STX6: variants seen among roughly 807,000 people sequenced by gnomAD.
STX6 encodes the protein syntaxin-6.
Under a neutral mutation model 38.0 loss-of-function variants are expected in STX6, and 23 were observed. The ratio of observed to expected loss-of-function variants is 0.60; its 90% CI spans 0.43 to 0.86. The LOEUF is 0.86. STX6 is among the 40% of genes least tolerant of loss of function. The pLI is 0.00. For missense variants in STX6, 274 were observed against 312.9 expected, an observed-to-expected ratio of 0.88 and a Z score of 0.94; for synonymous variants, 123 against 107.5, an observed-to-expected ratio of 1.14 and a Z score of -0.89.
At position 180,987,252 on chromosome 1, in the gene STX6, G is replaced by A. The variant is rs57728541; in HGVS notation, c.596+987C>T. Among the ~76,000 whole-genome samples the A allele has an allele frequency of 3.0e-3, 457 of 152,166 alleles. 1 individual carries two copies. Among genetic ancestry groups the A allele is most frequent in the African/African-American group, 0.011 (441 of 41,522 alleles). On this transcript the variant is annotated intron_variant, in intron 6 of 7. Coordinates refer to ENST00000258301, the MANE Select transcript of STX6 (RefSeq NM_005819.6). ...CTCCACACCAACTCTCACCTCACCT[G>A]GCTAGCATCCACACATCCTTCAGAT...
intron 1 of STX6, among the ~76,000 whole-genome samples, chr1:181,013,210 A>G (rs1656459637): frequency 6.6e-6 from 1 of 152,074 alleles, no homozygotes; most frequent in Admixed American, 6.6e-5. Flanking sequence ...CAAGTTTGCC[A>G]AGTAAAATGA....
At chr1:181,000,804 A>G (rs1656057958) in intron 3 of STX6, among the ~76,000 whole-genome samples, 1 of 151,664 alleles carries the variant, frequency 6.6e-6, no homozygotes, top group Non-Finnish European at 1.5e-5. Context: ...GGTTAAGGAC[A>G]TATGCTTCAC....
chr1:181,022,859 ACTGGCCGAATCCCGGACTCGGGCGCCGG>A (rs1656788262), exon 1 of STX6: 2 of 570,904 alleles, frequency 3.5e-6, no homozygotes, highest in Non-Finnish European at 6.0e-6. Flanking sequence ...GCTCAGCACC[ACTGGCCGAATCCCGGACTCGGGCGCCGG>A]CCCCCTCGGC....
chr1:181,018,478 T>C (rs1656631352), intron 1 of STX6, among the ~76,000 whole-genome samples: 1 of 148,000 alleles, frequency 6.8e-6, no homozygotes, highest in Non-Finnish European at 1.5e-5. Flanking sequence ...GACCATATTA[T>C]ATATATAATA....
At chr1:181,010,818 GAA>G (rs1314324049) in intron 1 of STX6, among the ~76,000 whole-genome samples, 2 of 152,230 alleles carry the variant, frequency 1.3e-5, no homozygotes, top group East Asian at 1.9e-4. Flanking sequence ...ATATTATCAT[GAA>G]AAGAGTTTTG....
At chr1:181,010,993 T>C (rs1558098502) in intron 1 of STX6, among the ~76,000 whole-genome samples, 2 of 152,122 alleles carry the variant, frequency 1.3e-5, no homozygotes, top group African/African-American at 4.8e-5. Flanking sequence ...TCCTTAAGTA[T>C]GCAAGAAGCA....
intron 3 of STX6, among the ~76,000 whole-genome samples, chr1:180,998,397 T>C (rs1655976473): frequency 6.6e-6 from 1 of 152,116 alleles, no homozygotes; most frequent in Non-Finnish European, 1.5e-5. Flanking sequence ...TTTTTCTTTT[T>C]TCTTTTGAGG....
Position 181,003,874 on chromosome 1 carries a change from G to A in STX6, c.206-1174C>T, listed in dbSNP as rs75268472. Among the ~76,000 whole-genome samples, 621 of 152,336 alleles carry A rather than the reference G, an allele frequency of 4.1e-3. 6 individuals carry two copies. Among genetic ancestry groups the A allele is most frequent in the African/African-American group, 0.014 (575 of 41,570 alleles). ...CACATCAATACCATGAATTAGCAGA[G>A]CAGATCTGCTTTTACTAAATGCAGT... On this transcript the variant is annotated intron_variant, in intron 2 of 7. Transcript: ENST00000258301.
At chr1:180,991,653 T>C (rs761261378) in intron 4 of STX6, among the ~76,000 whole-genome samples, 1 of 152,140 alleles carries the variant, frequency 6.6e-6, no homozygotes, top group Non-Finnish European at 1.5e-5. Context: ...TTTGTGATAA[T>C]AGGATAGAGA....
At chr1:181,010,152 T>C (rs1432575209) in intron 1 of STX6, among the ~76,000 whole-genome samples, 2 of 152,158 alleles carry the variant, frequency 1.3e-5, no homozygotes, top group African/African-American at 4.8e-5. Context: ...GAAGTGATGA[T>C]TACACAACTA....
intron 7 of STX6, among the ~76,000 whole-genome samples, chr1:180,984,372 C>T (rs770568018): frequency 1.6e-4 from 24 of 152,082 alleles, no homozygotes; most frequent in Non-Finnish European, 3.2e-4. Flanking sequence ...ATGGTGAAAC[C>T]ATGTCTCTAC....
At chr1:180,992,176 A>C (rs1481174285) in intron 4 of STX6, among the ~76,000 whole-genome samples, 1 of 152,128 alleles carries the variant, frequency 6.6e-6, no homozygotes, top group Non-Finnish European at 1.5e-5. Context: ...AGGGAGCCAG[A>C]TGGAATGGAC....
intron 3 of STX6, among the ~76,000 whole-genome samples, chr1:180,999,406 G>C (rs1378525010): frequency 6.6e-6 from 1 of 152,116 alleles, no homozygotes; most frequent in Non-Finnish European, 1.5e-5. Context: ...TTCACATGTG[G>C]AATCTTTGAT....
intron 3 of STX6, among the ~76,000 whole-genome samples, chr1:181,001,028 G>C (rs1656067066): frequency 6.6e-6 from 1 of 152,170 alleles, no homozygotes; most frequent in African/African-American, 2.4e-5. Flanking sequence ...ACTGTGGATG[G>C]GGCATCTGAG....
intron 6 of STX6, among the ~76,000 whole-genome samples, chr1:180,985,108 G>A (rs1048832740): frequency 1.4e-4 from 21 of 151,636 alleles, no homozygotes; most frequent in Admixed American, 1.3e-3. Context: ...GTTCAGGTAA[G>A]GTTTTTCTGT....
chr1:180,993,400 G>T lies in STX6; in HGVS notation c.326C>A (p.Ser109Ter). The T allele has an allele frequency of 6.3e-7, 1 of 1,599,040 alleles. No individual in the cohort carries two copies. The highest frequency in any genetic ancestry group is 8.6e-7 in the Non-Finnish European group (1 of 1,167,694). The change falls in exon 4 of 8, where the codon TCA becomes TAA. Residue 109 changes from serine to a stop codon, truncating the protein, a stop_gained. Transcript: ENST00000258301. LOFTEE classifies it high-confidence loss of function. ...TCTTTCAGCTAATGCCTGCACAGATGAAGTTGACATCTGATCTTTCATGTC... is the reference window on the plus strand; with the variant it reads ...TCTTTCAGCTAATGCCTGCACAGATTAAGTTGACATCTGATCTTTCATGTC... ...VRDMKDQMST[S>*]SVQALAERKN...
At chr1:180,999,964 G>T (rs983751797) in intron 3 of STX6, among the ~76,000 whole-genome samples, 1 of 152,102 alleles carries the variant, frequency 6.6e-6, no homozygotes, top group African/African-American at 2.4e-5. Context: ...GTGGTAATGT[G>T]GAATTATACA....
At chr1:180,999,229 G>A (rs1456330657) in intron 3 of STX6, among the ~76,000 whole-genome samples, 1 of 152,166 alleles carries the variant, frequency 6.6e-6, no homozygotes, top group Non-Finnish European at 1.5e-5. Flanking sequence ...ATCCAGGGAG[G>A]TTGAATGACT....
chr1:180,994,176 T>C (rs1416481400), intron 3 of STX6, among the ~76,000 whole-genome samples: 1 of 152,244 alleles, frequency 6.6e-6, no homozygotes, highest in Admixed American at 6.5e-5. Flanking sequence ...TATAGAATGA[T>C]TTGAACTGAA....
Sources: allele counts gnomAD v4.1 joint callset (sites outside exome capture counted in the v4.1 genomes callset), GRCh38; gene constraint gnomAD v4.1.1; transcripts MANE v1.5; gene names NCBI Gene and HGNC (gene_info 2026-07-23, HGNC 2026-07-21).